The following ZNF28 variants were observed in gnomAD, a reference collection of about 807,000 sequenced individuals.
The protein encoded by ZNF28 is zinc finger protein KOX24.
ZNF28 carries 5 observed loss-of-function variants against 7.2 expected under a neutral mutation model. The ratio of observed to expected loss-of-function variants is 0.70; its 90% CI spans 0.36 to 1.46. ZNF28 has a LOEUF of 1.46. ZNF28 is among the 40% of genes most tolerant of loss of function. ZNF28 has a pLI of 0.03. For synonymous variants in ZNF28, 288 were observed against 292.4 expected, an observed-to-expected ratio of 0.99 and a Z score of 0.15; for missense variants, 879 against 866.6, an observed-to-expected ratio of 1.01 and a Z score of -0.18.
chr19:52,802,458 T>C (rs978230713), intron 3 of ZNF28, among the ~76,000 whole-genome samples: 2 of 152,046 alleles, frequency 1.3e-5, no homozygotes, highest in African/African-American at 4.8e-5. Flanking sequence ...GGCAGGCAGA[T>C]CACCTCACGT....
chr19:52,817,968 C>A lies in ZNF28; in HGVS notation c.-10G>T. 6.2e-7 allele frequency: 1 copy of A among 1,611,010 alleles called. No individual in the cohort carries two copies. Among genetic ancestry groups the A allele is most frequent in the Non-Finnish European group, 8.5e-7 (1 of 1,179,802 alleles). ...CCTGAGGAAGAGCCATCCCTGACTC[C>A]TTTGCTTTCCTCTTCCTCTTCTGGG... On this transcript the variant is annotated 5_prime_UTR_variant, in exon 2 of 4. In the 5' UTR this introduces an upstream ATG that the reference lacks. Transcript: ENST00000457749.
In ZNF28 at chr19:52,798,906, TA is replaced by T; in HGVS notation, c.*781del. ...TGGTGAATAAGTGGTGACTGCCCACTAAAGGCTTTGCCACACTCATTGCACT... is the reference window on the plus strand; with the variant it reads ...TGGTGAATAAGTGGTGACTGCCCACTAAGGCTTTGCCACACTCATTGCACT... On this transcript the variant is annotated 3_prime_UTR_variant, in exon 4 of 4. Coordinates refer to ENST00000457749, the MANE Select transcript of ZNF28 (RefSeq NM_006969.5). 7.0e-7 allele frequency: 1 copy of T among 1,434,842 alleles called. No homozygotes were observed. Among genetic ancestry groups the T allele is most frequent in the African/African-American group, 1.4e-5 (1 of 70,000 alleles). The allele number at this position is 1,434,842 out of a possible 1,614,324, so 88.9% of individuals were successfully genotyped here. A position where few individuals can be genotyped will look rare whatever the true frequency, so the allele number is the denominator to read the frequency against.
intron 2 of ZNF28, chr19:52,809,850 G>C: frequency 1.7e-6 from 1 of 587,114 alleles, no homozygotes; most frequent in Admixed American, 3.4e-5. Flanking sequence ...TGGCGGTGGT[G>C]GCAGTAGCAC....
chr19:52,810,629 A>AC, intron 2 of ZNF28: 1 of 1,419,496 alleles, frequency 7.0e-7, no homozygotes. Context: ...TCTCCATTCT[A>AC]CAGTGGTTTT....
At chr19:52,803,776 G>A (rs921549433) in intron 3 of ZNF28, among the ~76,000 whole-genome samples, 2 of 151,890 alleles carry the variant, frequency 1.3e-5, no homozygotes, top group African/African-American at 2.4e-5. Flanking sequence ...GGGCAACATG[G>A]TGAAACCCCA....
At chr19:52,813,423 CCG>C (rs1600471589) in intron 2 of ZNF28, among the ~76,000 whole-genome samples, 7 of 121,004 alleles carry the variant, frequency 5.8e-5, no homozygotes, top group African/African-American at 1.2e-4. Flanking sequence ...AAGCTGCTCC[CCG>C]TGTTTCCCTG....
chr19:52,817,898 T>A (rs2063147210), intron 2 of ZNF28, 46 bp downstream of exon 2: 1 of 1,609,070 alleles, frequency 6.2e-7, no homozygotes, highest in African/African-American at 1.3e-5. Flanking sequence ...GCCCAGCGTT[T>A]CTGAAAGGAA....
At chr19:52,803,131 G>A (rs1442084415) in intron 3 of ZNF28, among the ~76,000 whole-genome samples, 1 of 152,140 alleles carries the variant, frequency 6.6e-6, no homozygotes, top group Non-Finnish European at 1.5e-5. Flanking sequence ...CCAGGCTGGA[G>A]TGCAATGGTA....
Position 52,799,350 on chromosome 19 carries a change from C to T in ZNF28, c.*338G>A. On this transcript the variant is annotated 3_prime_UTR_variant, in exon 4 of 4. Transcript: ENST00000457749. ...AAAAATCTTGTCATAAACCTTACATCTGTGTGGTTTCTCTTCAGCATGCAT... is the reference window on the plus strand; with the variant it reads ...AAAAATCTTGTCATAAACCTTACATTTGTGTGGTTTCTCTTCAGCATGCAT... The T allele has an allele frequency of 5.7e-6, 3 of 525,298 alleles. No individual in the cohort carries two copies. Among genetic ancestry groups the T allele is most frequent in the Non-Finnish European group, 1.1e-5 (3 of 285,614 alleles). 32.5% of individuals were successfully genotyped at this position (525,298 alleles called of 1,614,324 possible).
rs2062850529 is a variant in ZNF28 at position 52,800,453 on chromosome 19, C to A, written c.1392G>T (p.Glu464Asp). 1.9e-6 allele frequency: 3 copies of A among 1,613,458 alleles called. No homozygotes were observed. The African/African-American group carries it at 4.0e-5, about 22-fold the overall frequency. The change falls in exon 4 of 4, where the codon GAG becomes GAT. Residue 464 changes from glutamate to aspartate, a missense_variant. Glu to Asp is a conservative substitution (Grantham distance 45, BLOSUM62 2). Around this residue, in one of 2 missense-constraint regions of ZNF28, gnomAD observed 864 missense variants for 830.2 expected, o/e 1.04. Transcript: ENST00000457749. ...LARHHRLHTA[E>D]KPYKCEECDK... The stretch of plus-strand genomic sequence containing the variant: ...CACATTCTTCACATTTGTATGGTTT[C>A]TCTGCAGTATGAAGTCTATGATGGC...
At chr19:52,811,333 G>C (rs2063034373) in intron 2 of ZNF28, among the ~76,000 whole-genome samples, 1 of 149,212 alleles carries the variant, frequency 6.7e-6, no homozygotes, top group Non-Finnish European at 1.5e-5. Flanking sequence ...GAAGTGAGGA[G>C]CGACTCTGCC....
chr19:52,800,226 C>T lies in ZNF28; in HGVS notation c.1619G>A (p.Cys540Tyr). 3 of 1,612,492 alleles carry T rather than the reference C, an allele frequency of 1.9e-6. No individual in the cohort carries two copies. The highest frequency in any genetic ancestry group is 2.2e-5 in the South Asian group (2 of 90,982). ...CTCTGCAGTATGAAGTTTATGATGACATGCAAGGTTTGCTTTTGTACTAAA... is the reference window on the plus strand; with the variant it reads ...CTCTGCAGTATGAAGTTTATGATGATATGCAAGGTTTGCTTTTGTACTAAA... ...KVFSTKANLA[C>Y]HHKLHTAEKP... Residue 540 changes from cysteine (C) to tyrosine (Y), a missense_variant, in exon 4 of 4, where the codon TGT (cysteine) becomes TAT (tyrosine). Transcript: ENST00000457749.
intron 2 of ZNF28, chr19:52,809,899 G>A (rs2062994247): frequency 7.4e-6 from 6 of 815,432 alleles, no homozygotes; most frequent in Middle Eastern, 3.5e-4. Flanking sequence ...CCGGGGCGGC[G>A]CCATCTTGTG....
At chr19:52,818,402 C>G (rs562316793) in intron 1 of ZNF28, among the ~76,000 whole-genome samples, 1 of 152,070 alleles carries the variant, frequency 6.6e-6, no homozygotes, top group Admixed American at 6.6e-5. Flanking sequence ...CATGGAGAAA[C>G]CCTCTCTCTA....
chr19:52,816,924 T>C (rs1440550083), intron 2 of ZNF28, among the ~76,000 whole-genome samples: 3 of 151,200 alleles, frequency 2.0e-5, no homozygotes, highest in Non-Finnish European at 4.4e-5. Context: ...AGCAGTACTC[T>C]CCAATATTAG....
rs1253729259 is a variant in ZNF28 at position 52,797,568 on chromosome 19, T to C, written c.*2120A>G. The C allele has an allele frequency of 6.6e-6, 1 of 152,308 alleles. No homozygotes were observed. Among genetic ancestry groups the C allele is most frequent in the Non-Finnish European group, 1.5e-5 (1 of 68,032 alleles). The allele number at this position is 152,308 out of a possible 1,614,324, so 9.4% of individuals were successfully genotyped here. The stretch of plus-strand genomic sequence containing the variant: ...TTAGTTGAATTTCCATACATTAACA[T>C]TAAATAATTTTAAAATAAAATTAAA... On this transcript the variant is annotated 3_prime_UTR_variant, in exon 4 of 4. Transcript: ENST00000457749.
In ZNF28 at chr19:52,808,084, C is replaced by T; in HGVS notation, c.65G>A (p.Trp22Ter). The change falls in exon 3 of 4, where the codon TGG (tryptophan) becomes TAG (stop). Residue 22 changes from tryptophan (W) to a stop codon, truncating the protein, a stop_gained. Transcript: ENST00000457749. LOFTEE classifies it high-confidence loss of function. The part of the protein sequence containing the change: ...DVAIEFSQEE[W>*]KCLDPAQRTL... ...CCTCTGAGCAGGGTCCAGGCATTTC[C>T]ACTCCTCCTGAGAGAATTCTATGGC... 1.2e-6 allele frequency: 2 copies of T among 1,613,480 alleles called. No homozygotes were observed. Among genetic ancestry groups the T allele is most frequent in the East Asian group, 2.2e-5 (1 of 44,852 alleles).
Position 52,800,165 on chromosome 19 carries a change from G to A in ZNF28, c.1680C>T (p.Phe560=). 1 of 1,613,706 alleles carries A rather than the reference G, an allele frequency of 6.2e-7. No homozygotes were observed. The highest frequency in any genetic ancestry group is 1.1e-5 in the South Asian group (1 of 91,044). The stretch of plus-strand genomic sequence containing the variant: ...GTCTTTCCATGTGTGATTTGCGACT[G>A]AAAACTTTCTCACATTCTTCACATT... ...PYKCEECEKV[F]SRKSHMERHR... is the part of the protein sequence containing the mutation. Residue 560 remains phenylalanine, a synonymous_variant, in exon 4 of 4, where the codon TTC becomes TTT. Coordinates refer to ENST00000457749, the MANE Select transcript of ZNF28 (RefSeq NM_006969.5).
intron 2 of ZNF28, chr19:52,809,808 A>G: frequency 2.4e-6 from 1 of 414,844 alleles, no homozygotes; most frequent in South Asian, 2.9e-5. Context: ...AAAGGAGCCC[A>G]GTCTGAGCGG....
Sources: allele counts gnomAD v4.1 joint callset (sites outside exome capture counted in the v4.1 genomes callset), GRCh38; gene constraint gnomAD v4.1.1; regional missense constraint gnomAD v4.1.1; transcripts MANE v1.5; gene names NCBI Gene and HGNC (gene_info 2026-07-23, HGNC 2026-07-21).